The following PRR5 variants were observed in gnomAD, a reference collection of about 807,000 sequenced individuals.
The protein encoded by PRR5 is proline-rich protein 5.
PRR5 carries 25 observed loss-of-function variants against 30.6 expected under a neutral mutation model. The ratio of observed to expected loss-of-function variants is 0.82; its 90% confidence interval spans 0.60 to 1.14. The LOEUF is 1.14. Among genes scored for constraint, PRR5 ranks in the 50% most tolerant of loss-of-function variants. The pLI is 0.00. For synonymous variants in PRR5, 286 were observed against 247.1 expected, an observed-to-expected ratio of 1.16 and a Z score of -1.48; for missense variants, 600 against 547.1, an observed-to-expected ratio of 1.10 and a Z score of -0.96.
At chr22:44,692,041 G>C (rs898625842) in intron 1 of PRR5, among the ~76,000 whole-genome samples, 5 of 152,238 alleles carry the variant, frequency 3.3e-5, no homozygotes, top group African/African-American at 1.2e-4. Context: ...TTCTGACTGG[G>C]AATAGTCATT....
intron 1 of PRR5, chr22:44,668,925 CGCGCGCGTGTGTGTGCGCGCGTAGGT>C (rs1405058480): frequency 6.7e-6 from 1 of 149,822 alleles, no homozygotes; most frequent in Non-Finnish European, 1.5e-5. Flanking sequence ...GGCGGAGCGG[CGCGCGCGTGTGTGTGCGCGCGTAGGT>C]GCGCGCGCGC....
intron 1 of PRR5, 22 bp downstream of exon 1, chr22:44,702,630 C>A: frequency 7.9e-7 from 1 of 1,271,866 alleles, no homozygotes; most frequent in South Asian, 2.6e-5. Context: ...CCCTCCCGGC[C>A]ACCCGGAGGC....
In PRR5 at chr22:44,725,231, C is replaced by T. The variant is rs2147130131; in HGVS notation, c.216-13C>T. 3 of 1,613,840 alleles carry T rather than the reference C, an allele frequency of 1.9e-6. No homozygotes were observed. Among genetic ancestry groups the T allele is most frequent in the Non-Finnish European group, 2.5e-6 (3 of 1,179,948 alleles). On this transcript the variant is annotated splice_polypyrimidine_tract_variant and intron_variant, in intron 2 of 7. Coordinates refer to ENST00000336985, the MANE Select transcript of PRR5 (RefSeq NM_181333.4). Reference sequence around the variant, plus strand: ...GGTCTGGGACTCACTCTTGTCTCACCTCCCACCCACAGGCAGCTGTTGAAG... The same window carrying T: ...GGTCTGGGACTCACTCTTGTCTCACTTCCCACCCACAGGCAGCTGTTGAAG...
Position 44,702,262 on chromosome 22 carries a change from C to G in PRR5, c.-213C>G. 1 of 1,142,196 alleles carries G rather than the reference C, an allele frequency of 8.8e-7. No homozygotes were observed. The highest frequency in any genetic ancestry group is 4.8e-5 in the Admixed American group (1 of 20,844). The allele number at this position is 1,142,196 out of a possible 1,614,324, so 70.8% of individuals were successfully genotyped here. ...GCGCCTGGCGCTCCACGCTGAGCCTCTCCGTGCAATGATTAACCCGGCGGG... is the reference window on the plus strand; with the variant it reads ...GCGCCTGGCGCTCCACGCTGAGCCTGTCCGTGCAATGATTAACCCGGCGGG... On this transcript the variant is annotated 5_prime_UTR_variant, in exon 1 of 8. Transcript: ENST00000336985.
intron 1 of PRR5, among the ~76,000 whole-genome samples, chr22:44,690,767 G>T (rs1231537347): frequency 1.3e-5 from 2 of 152,152 alleles, no homozygotes; most frequent in African/African-American, 4.8e-5. Context: ...GAGGAGCAGG[G>T]CACCCCAGGC....
rs762562267 is a variant in PRR5, at chr22:44,736,941, G to A, written c.861G>A (p.Thr287=). The part of the protein sequence containing the change: ...SIRRHSVSEM[T]SCPEPQGFSD... Reference sequence around the variant, plus strand: ...GCAGGCACTCTGTGTCGGAGATGACGTCCTGCCCCGAGCCTCAGGGCTTCT... The same window carrying A: ...GCAGGCACTCTGTGTCGGAGATGACATCCTGCCCCGAGCCTCAGGGCTTCT... Residue 287 remains threonine, a synonymous_variant, in exon 8 of 8, where the codon ACG becomes ACA. Coordinates refer to ENST00000336985, the MANE Select transcript of PRR5 (RefSeq NM_181333.4). 5.0e-6 allele frequency: 8 copies of A among 1,606,002 alleles called. No homozygotes were observed. The highest frequency in any genetic ancestry group is 3.3e-5 in the South Asian group (3 of 90,944).
intron 1 of PRR5, 62 bp downstream of exon 1, chr22:44,702,670 C>G (rs1266335612): frequency 1.4e-5 from 17 of 1,246,098 alleles, no homozygotes; most frequent in Non-Finnish European, 1.5e-5. Flanking sequence ...ACCCCTGAGC[C>G]GTCCGCGGGC....
intron 6 of PRR5, 23 bp downstream of exon 6, chr22:44,732,414 C>T (rs372358770): frequency 7.5e-5 from 120 of 1,594,044 alleles, no homozygotes; most frequent in Non-Finnish European, 9.6e-5. Context: ...GGCAGAGGGT[C>T]GGGCATGGGG....
At chr22:44,706,028 G>C (rs1444141076) in intron 1 of PRR5, among the ~76,000 whole-genome samples, 1 of 152,132 alleles carries the variant, frequency 6.6e-6, no homozygotes. Flanking sequence ...TCAAACTCCT[G>C]ACCTCTGGTG....
upstream of PRR5, among the ~76,000 whole-genome samples, chr22:44,699,169 G>C (rs908091576): frequency 3.2e-4 from 49 of 152,108 alleles, no homozygotes; most frequent in Admixed American, 3.1e-3. Context: ...CTGGCTGGCC[G>C]CTTCTCCCAG....
chr22:44,728,046 G>A (rs770267723), intron 4 of PRR5, among the ~76,000 whole-genome samples: 6 of 152,230 alleles, frequency 3.9e-5, no homozygotes, highest in South Asian at 2.1e-4. Flanking sequence ...TAGGGGAGCC[G>A]GGGCTCTCGG....
upstream of PRR5, among the ~76,000 whole-genome samples, chr22:44,697,727 G>C (rs552993958): frequency 4.4e-4 from 67 of 152,328 alleles, no homozygotes; most frequent in South Asian, 0.013. Flanking sequence ...CGCCCAGCCC[G>C]CAGGGCTCCA....
At chr22:44,680,310 G>T (rs1924160241) in intron 1 of PRR5, among the ~76,000 whole-genome samples, 1 of 152,154 alleles carries the variant, frequency 6.6e-6, no homozygotes, top group African/African-American at 2.4e-5. Flanking sequence ...GTGGCTTCCT[G>T]TGAGGATGTA....
intron 6 of PRR5, among the ~76,000 whole-genome samples, chr22:44,732,810 A>G (rs1469469326): frequency 7.8e-6 from 1 of 127,576 alleles, no homozygotes; most frequent in Non-Finnish European, 1.6e-5. Flanking sequence ...ACACGCATAC[A>G]CACTACACGT....
At chr22:44,722,791 G>A (rs577712940) in intron 2 of PRR5, among the ~76,000 whole-genome samples, 1 of 152,304 alleles carries the variant, frequency 6.6e-6, no homozygotes, top group African/African-American at 2.4e-5. Context: ...CAGGGGCACA[G>A]TGAAAAGGGT....
intron 4 of PRR5, among the ~76,000 whole-genome samples, chr22:44,728,883 G>T (rs559472017): frequency 6.6e-6 from 1 of 152,200 alleles, no homozygotes; most frequent in Non-Finnish European, 1.5e-5. Context: ...GGGCAGAGCC[G>T]GTCCTGGAAG....
chr22:44,676,547 T>C (rs1923783912), upstream of PRR5, among the ~76,000 whole-genome samples: 1 of 150,570 alleles, frequency 6.6e-6, no homozygotes, highest in African/African-American at 2.5e-5. Flanking sequence ...GAGGCGGCAA[T>C]GGCCCTGGGC....
rs962376485 is a variant in PRR5, at chr22:44,717,622, T to C, written c.215+2951T>C. Among the ~76,000 whole-genome samples the C allele has an allele frequency of 1.1e-4, 16 of 152,126 alleles. No homozygotes were observed. The East Asian group carries it at 3.1e-3, about 29-fold the overall frequency. On this transcript the variant is annotated intron_variant, in intron 2 of 7. Coordinates refer to ENST00000336985, the MANE Select transcript of PRR5 (RefSeq NM_181333.4). ...GCCTATTCTGGACATTCCATATCAA[T>C]GGAGGTAGAGCAGGTAGCCCTTCAC...
chr22:44,724,481 A>G (rs1930389063), intron 2 of PRR5, among the ~76,000 whole-genome samples: 1 of 152,196 alleles, frequency 6.6e-6, no homozygotes, highest in Admixed American at 6.5e-5. Flanking sequence ...CAACCTAAAA[A>G]GTAAGATTTC....
Sources: allele counts gnomAD v4.1 joint callset (sites outside exome capture counted in the v4.1 genomes callset), GRCh38; gene constraint gnomAD v4.1.1; transcripts MANE v1.5; gene names NCBI Gene and HGNC (gene_info 2026-07-23, HGNC 2026-07-21).